Variants in GNB4 observed in about 807,000 individuals in gnomAD.
GNB4 encodes the protein guanine nucleotide-binding protein subunit beta-4.
GNB4 carries 28 observed loss-of-function variants against 45.2 expected under a neutral mutation model. That is an observed-to-expected ratio of 0.62 (90% confidence interval 0.46 to 0.85). The LOEUF is 0.85. GNB4 is among the 40% of genes least tolerant of loss of function. The probability of loss-of-function intolerance (pLI) is 0.00; values close to 1 mark genes in which losing one functional copy is unlikely to be tolerated. For synonymous variants in GNB4, 132 were observed against 143.7 expected, an observed-to-expected ratio of 0.92 and a Z score of 0.58; for missense variants, 321 against 425.4, an observed-to-expected ratio of 0.75 and a Z score of 2.16.
chr3:179,520,505 C>T, the GNB4 span, among the ~76,000 whole-genome samples: 121 of 152,242 alleles, frequency 7.9e-4, no homozygotes, highest in African/African-American at 2.6e-3. Flanking sequence ...CGTCAGTGTG[C>T]GGTGGCTGCC....
chr3:179,431,571 AAAGAC>A (rs1715311048), intron 1 of GNB4, among the ~76,000 whole-genome samples: 1 of 151,702 alleles, frequency 6.6e-6, no homozygotes, highest in African/African-American at 2.4e-5. Flanking sequence ...AAAAAAAAAA[AAAGAC>A]TAAATCACTT....
the GNB4 span, among the ~76,000 whole-genome samples, chr3:179,499,314 TGC>T: frequency 6.6e-6 from 1 of 152,024 alleles, no homozygotes; most frequent in Admixed American, 6.5e-5. Context: ...CCTGCCACCA[TGC>T]CAGGCTAGTT....
the GNB4 span, among the ~76,000 whole-genome samples, chr3:179,457,273 C>T: frequency 1.3e-5 from 2 of 152,152 alleles, no homozygotes; most frequent in Admixed American, 6.5e-5. Context: ...ATCATGTTTT[C>T]AAAAGCCCAT....
chr3:179,449,008 CA>C (rs199587765), intron 1 of GNB4, among the ~76,000 whole-genome samples: 1,893 of 152,190 alleles, frequency 0.012, 23 homozygotes, highest in African/African-American at 0.044. Flanking sequence ...GCAGACTGTA[CA>C]ATAATGTAAA....
intron 1 of GNB4, among the ~76,000 whole-genome samples, chr3:179,444,891 G>A (rs1480447058): frequency 7.9e-5 from 12 of 152,082 alleles, no homozygotes; most frequent in Non-Finnish European, 8.8e-5. Flanking sequence ...CTGCCTTACT[G>A]GGTTTTTAAT....
At chr3:179,406,613 C>CT (rs760840069) in intron 8 of GNB4, among the ~76,000 whole-genome samples, 4 of 151,704 alleles carry the variant, frequency 2.6e-5, no homozygotes, top group East Asian at 1.9e-4. Flanking sequence ...CTTTTAATTA[C>CT]TTTTTTTTGT....
chr3:179,452,203 A>T (rs1715901800), upstream of GNB4, among the ~76,000 whole-genome samples: 2 of 145,988 alleles, frequency 1.4e-5, no homozygotes. Context: ...TAAACACCAC[A>T]TGCATCTCAA....
the GNB4 span, among the ~76,000 whole-genome samples, chr3:179,489,004 AAAAAAAAAAAAAAAAATATAT>A: frequency 4.3e-4 from 17 of 39,160 alleles, 1 homozygote; most frequent in African/African-American, 1.8e-3. Flanking sequence ...AAAAAAAAAA[AAAAAAAAAAAAAAAAATATAT>A]ATATATATAT....
At chr3:179,432,391 A>C (rs1715332904) in intron 1 of GNB4, among the ~76,000 whole-genome samples, 1 of 152,180 alleles carries the variant, frequency 6.6e-6, no homozygotes, top group South Asian at 2.1e-4. Flanking sequence ...GAACATTCTG[A>C]TTACACAGAT....
intron 1 of GNB4, among the ~76,000 whole-genome samples, chr3:179,449,035 T>C (rs1430188887): frequency 6.6e-6 from 1 of 152,228 alleles, no homozygotes; most frequent in Non-Finnish European, 1.5e-5. Context: ...CTGTAGTAAC[T>C]GACAAATTGA....
intron 1 of GNB4, among the ~76,000 whole-genome samples, chr3:179,450,736 G>A (rs563866850): frequency 1.4e-3 from 208 of 152,288 alleles, no homozygotes; most frequent in Non-Finnish European, 2.5e-3. Context: ...TTCTGAAGCA[G>A]AAAAAGGTGG....
the GNB4 span, among the ~76,000 whole-genome samples, chr3:179,516,684 A>G: frequency 2.1e-4 from 32 of 152,208 alleles, 1 homozygote; most frequent in Admixed American, 1.3e-4. Context: ...CAATAACAGA[A>G]TAGAATGGGC....
chr3:179,421,323 T>C (rs1714974091), intron 2 of GNB4, among the ~76,000 whole-genome samples: 1 of 152,136 alleles, frequency 6.6e-6, no homozygotes, highest in Admixed American at 6.5e-5. Flanking sequence ...CCTCAAATTT[T>C]TATACAAACT....
chr3:179,423,133 G>A (rs995191866), intron 2 of GNB4, among the ~76,000 whole-genome samples: 33 of 152,300 alleles, frequency 2.2e-4, no homozygotes, highest in African/African-American at 7.7e-4. Context: ...ACTAAGAAAA[G>A]TACATAGTAT....
chr3:179,398,702 A>C lies in GNB4; in HGVS notation c.*2511T>G, dbSNP rs1560206882. 6.6e-6 allele frequency: 1 copy of C among 152,196 alleles called. No homozygotes were observed. The highest frequency in any genetic ancestry group is 1.5e-5 in the Non-Finnish European group (1 of 68,038). The allele number at this position is 152,196 out of a possible 1,614,324, so 9.4% of individuals were successfully genotyped here. ...CAGAATTCAACAATCAGCTCAACTT[A>C]AACTGTAAGTAAACAAATATATTTA... On this transcript the variant is annotated 3_prime_UTR_variant, in exon 10 of 10. Coordinates refer to ENST00000232564, the MANE Select transcript of GNB4 (RefSeq NM_021629.4).
chr3:179,499,144 T>G, the GNB4 span, among the ~76,000 whole-genome samples: 2 of 148,136 alleles, frequency 1.4e-5, no homozygotes, highest in Non-Finnish European at 3.0e-5. Context: ...GGTGTATATG[T>G]GCCACATTTT....
chr3:179,454,322 T>A (rs926429736), upstream of GNB4, among the ~76,000 whole-genome samples: 4 of 152,206 alleles, frequency 2.6e-5, no homozygotes, highest in African/African-American at 9.7e-5. Context: ...CAGAGCACCT[T>A]GCATTTGCTA....
At position 179,400,255 on chromosome 3, in the gene GNB4, C is replaced by T. The variant is rs1293837903; in HGVS notation, c.*958G>A. On this transcript the variant is annotated 3_prime_UTR_variant, in exon 10 of 10. Transcript: ENST00000232564. ...TATGTGCTAGCGATTGGTTAGATTT[C>T]ACACTTCTCTCCAAATGTAACACTG... is the stretch of plus-strand genomic sequence containing the variant. The T allele has an allele frequency of 1.3e-5, 2 of 152,182 alleles. No individual in the cohort carries two copies. The highest frequency in any genetic ancestry group is 2.9e-5 in the Non-Finnish European group (2 of 68,028). 9.4% of individuals were successfully genotyped at this position (152,182 alleles called of 1,614,324 possible).
At chr3:179,520,900 G>A in the GNB4 span, among the ~76,000 whole-genome samples, 111,538 of 151,562 alleles carry the variant, frequency 0.74, 41,815 homozygotes, top group East Asian at 0.99. Context: ...CTATGCTATA[G>A]TACAAGCCAC....
Sources: gnomAD v4.1 joint callset for allele counts (sites outside exome capture counted in the v4.1 genomes callset) on GRCh38, gnomAD v4.1.1 for gene constraint, MANE v1.5 for transcripts, NCBI Gene and HGNC (gene_info 2026-07-23, HGNC 2026-07-21) for gene names.